MOSMO: variants seen among roughly 807,000 people sequenced by gnomAD.
MOSMO encodes the protein modulator of smoothened, also known as modulator of smoothened protein.
Under a neutral mutation model 18.4 loss-of-function variants are expected in MOSMO, and 5 were observed. The ratio of observed to expected loss-of-function variants is 0.27; its 90% CI spans 0.14 to 0.57. The LOEUF (loss-of-function observed/expected upper bound fraction) is 0.57, where lower values mean the gene tolerates loss of function less well. Among genes scored for constraint, MOSMO ranks in the 20% least tolerant of loss-of-function variants. MOSMO has a pLI of 0.92. For synonymous variants in MOSMO, 82 were observed against 82.3 expected (o/e 1.00, Z 0.02); for missense variants, 138 against 211.8 (o/e 0.65, Z 2.16).
At chr16:22,064,271 A>T (rs959461529) in intron 1 of MOSMO, 12 of 455,912 alleles carry the variant, frequency 2.6e-5, no homozygotes, top group African/African-American at 8.0e-5. Context: ...TTTTACAGAT[A>T]ATTCCACAGT....
chr16:22,041,471 A>G (rs973718489), intron 1 of MOSMO, among the ~76,000 whole-genome samples: 1 of 152,264 alleles, frequency 6.6e-6, no homozygotes, highest in African/African-American at 2.4e-5. Context: ...TAAACAAATA[A>G]CCCTCATCAC....
intron 1 of MOSMO, among the ~76,000 whole-genome samples, chr16:22,024,664 C>T (rs1409760814): frequency 6.6e-6 from 1 of 151,962 alleles, no homozygotes; most frequent in Non-Finnish European, 1.5e-5. Flanking sequence ...TGCGCCTGGC[C>T]GAAAACATTT....
Position 22,083,573 on chromosome 16 carries a change from A to G in MOSMO, c.*2693A>G. On this transcript the variant is annotated 3_prime_UTR_variant, in exon 3 of 3. Coordinates refer to ENST00000542527, the MANE Select transcript of MOSMO (RefSeq NM_001164579.2). Reference sequence around the variant, plus strand: ...CACTATAATAAGTACTATATAGTACAGTATTAATTTATAGCAGGAAATCGT... The same window carrying G: ...CACTATAATAAGTACTATATAGTACGGTATTAATTTATAGCAGGAAATCGT... The G allele has an allele frequency of 2.3e-6, 1 of 436,076 alleles. No individual in the cohort carries two copies. Among genetic ancestry groups the G allele is most frequent in the Non-Finnish European group, 4.5e-6 (1 of 222,744 alleles). 27.0% of individuals were successfully genotyped at this position (436,076 alleles called of 1,614,324 possible).
chr16:22,073,865 T>G (rs1026842705), intron 1 of MOSMO, among the ~76,000 whole-genome samples: 4 of 152,036 alleles, frequency 2.6e-5, no homozygotes, highest in Admixed American at 2.6e-4. Flanking sequence ...ATAATGTTGC[T>G]TGCACCTGGG....
chr16:22,020,523 G>A (rs1007999282), intron 1 of MOSMO, among the ~76,000 whole-genome samples: 2 of 151,932 alleles, frequency 1.3e-5, no homozygotes, highest in African/African-American at 2.4e-5. Context: ...TTGAACTCCC[G>A]ACCTCGGGTG....
intron 1 of MOSMO, among the ~76,000 whole-genome samples, chr16:22,050,944 A>G (rs1258406344): frequency 6.6e-6 from 1 of 151,932 alleles, no homozygotes; most frequent in Non-Finnish European, 1.5e-5. Flanking sequence ...CTGTAGAGAA[A>G]ACTCAAACTG....
At chr16:22,091,067 G>T (rs551814222), downstream of MOSMO, among the ~76,000 whole-genome samples, 1 of 151,904 alleles carries the variant, frequency 6.6e-6, no homozygotes, top group Non-Finnish European at 1.5e-5. Flanking sequence ...AAATTAGCCA[G>T]CCCCTTCCAC....
At chr16:22,040,716 G>A (rs958567283) in intron 1 of MOSMO, among the ~76,000 whole-genome samples, 1 of 152,142 alleles carries the variant, frequency 6.6e-6, no homozygotes, top group African/African-American at 2.4e-5. Flanking sequence ...GGAGAAGAAG[G>A]CTAAAATTCT....
At chr16:22,037,412 C>T (rs1398761175) in intron 1 of MOSMO, among the ~76,000 whole-genome samples, 1 of 152,192 alleles carries the variant, frequency 6.6e-6, no homozygotes, top group African/African-American at 2.4e-5. Flanking sequence ...TCTCACAACA[C>T]GGAAAACTTC....
chr16:22,017,405 G>A (rs1247872913), intron 1 of MOSMO, among the ~76,000 whole-genome samples: 3 of 152,140 alleles, frequency 2.0e-5, no homozygotes, highest in Non-Finnish European at 4.4e-5. Context: ...TGACATTCAT[G>A]TCTTTTTGGT....
At chr16:22,030,316 A>G (rs1017162152) in intron 1 of MOSMO, among the ~76,000 whole-genome samples, 5 of 152,342 alleles carry the variant, frequency 3.3e-5, no homozygotes, top group Middle Eastern at 6.8e-3. Context: ...AAATACAGTC[A>G]ACGTATTTGA....
intron 1 of MOSMO, among the ~76,000 whole-genome samples, chr16:22,048,757 G>T (rs980273493): frequency 4.6e-5 from 7 of 151,888 alleles, no homozygotes; most frequent in Non-Finnish European, 1.0e-4. Context: ...TTGTGGATCA[G>T]TTTTTTTCTT....
intron 1 of MOSMO, among the ~76,000 whole-genome samples, chr16:22,034,744 GTTTTTTTTTTTTT>G (rs890874059): frequency 7.2e-5 from 4 of 55,456 alleles, no homozygotes; most frequent in East Asian, 8.9e-4. Context: ...GTTTTTTTGG[GTTTTTTTTTTTTT>G]TTTTTTTTTT....
intron 1 of MOSMO, among the ~76,000 whole-genome samples, chr16:22,071,452 A>G (rs1226133263): frequency 1.3e-5 from 2 of 152,168 alleles, no homozygotes; most frequent in Non-Finnish European, 2.9e-5. Context: ...ATTTTCTGTG[A>G]CACTGCTTTT....
chr16:22,020,575 G>A (rs1285140454), intron 1 of MOSMO, among the ~76,000 whole-genome samples: 7 of 152,196 alleles, frequency 4.6e-5, no homozygotes, highest in African/African-American at 7.2e-5. Context: ...GATTACAGGC[G>A]TGAGCCACCG....
intron 1 of MOSMO, among the ~76,000 whole-genome samples, chr16:22,010,269 T>C (rs565289217): frequency 5.3e-5 from 8 of 152,324 alleles, no homozygotes; most frequent in African/African-American, 1.7e-4. Flanking sequence ...GTAAAAGATA[T>C]GAAGAATCAG....
chr16:22,049,728 C>T (rs1360296762), intron 1 of MOSMO, among the ~76,000 whole-genome samples: 1 of 152,082 alleles, frequency 6.6e-6, no homozygotes, highest in Non-Finnish European at 1.5e-5. Context: ...AGAATATTTT[C>T]CTTTTTATGA....
At chr16:22,070,552 A>G (rs725407) in intron 1 of MOSMO, among the ~76,000 whole-genome samples, 53,743 of 151,978 alleles carry the variant, frequency 0.35, 11,126 homozygotes, top group East Asian at 0.7. Context: ...AGTCACAGGA[A>G]GGCATACTAC....
intron 1 of MOSMO, among the ~76,000 whole-genome samples, chr16:22,063,527 C>G (rs532711474): frequency 6.6e-6 from 1 of 152,136 alleles, no homozygotes. Context: ...TATAAATAGC[C>G]AAGTTTCCTT....
Sources: allele counts gnomAD v4.1 joint callset (sites outside exome capture counted in the v4.1 genomes callset), GRCh38; gene constraint gnomAD v4.1.1; transcripts MANE v1.5; gene names NCBI Gene and HGNC (gene_info 2026-07-23, HGNC 2026-07-21).